PEG3: variants seen among roughly 807,000 people sequenced by gnomAD.
PEG3 encodes the protein paternally expressed 3.
In PEG3, 23 loss-of-function variants were observed where a neutral mutation model predicts 35.5. That is an observed-to-expected ratio of 0.65 (90% confidence interval 0.47 to 0.92). The LOEUF (loss-of-function observed/expected upper bound fraction) is 0.92, where lower values mean the gene tolerates loss of function less well. Among genes scored for constraint, PEG3 ranks in the 40% least tolerant of loss-of-function variants. The pLI, the probability that PEG3 is intolerant of heterozygous loss-of-function variation, is 0.00. For synonymous variants in PEG3, 707 were observed against 697.0 expected (o/e 1.01, Z -0.23); for missense variants, 1,960 against 1,985.3 (o/e 0.99, Z 0.24).
chr19:56,835,772 A>C (rs1422200930), intron 2 of PEG3, among the ~76,000 whole-genome samples: 1 of 152,234 alleles, frequency 6.6e-6, no homozygotes, highest in African/African-American at 2.4e-5. Context: ...AGAGAAAAAG[A>C]GTAGCCCTGA....
intron 2 of PEG3, among the ~76,000 whole-genome samples, chr19:56,828,238 C>T (rs973501501): frequency 6.6e-6 from 1 of 152,132 alleles, no homozygotes; most frequent in Admixed American, 6.5e-5. Flanking sequence ...TGGCCATTAG[C>T]AGGTACATGA....
chr19:56,829,814 G>A (rs958534516), intron 2 of PEG3, among the ~76,000 whole-genome samples: 13 of 152,236 alleles, frequency 8.5e-5, no homozygotes, highest in African/African-American at 3.1e-4. Context: ...CAGATCCCAC[G>A]TGACCTTCTG....
intron 2 of PEG3, among the ~76,000 whole-genome samples, chr19:56,834,146 A>T (rs1413440840): frequency 6.6e-6 from 1 of 152,198 alleles, no homozygotes; most frequent in Admixed American, 6.5e-5. Flanking sequence ...AATAACAATA[A>T]TTGGCTCATC....
Position 56,813,864 on chromosome 19 carries a change from AG to A in PEG3, c.4577del (p.Thr1526IlefsTer5). 1 of 1,614,150 alleles carries A rather than the reference AG, an allele frequency of 6.2e-7. No individual in the cohort carries two copies. Among genetic ancestry groups the A allele is most frequent in the Non-Finnish European group, 8.5e-7 (1 of 1,180,024 alleles). ...GCTCAAATATGATCATGCTGGCATG[AG>A]TTTTCAGGTGTTCACTGAATGCTGT... ...SSTAFSEHLK[T>X]HASMIIFEPA... On this transcript the variant is annotated frameshift_variant, in exon 10 of 10. Transcript: ENST00000326441. LOFTEE classifies it low-confidence loss of function (END_TRUNC).
chr19:56,824,472 T>G lies in PEG3; in HGVS notation c.184A>C (p.Lys62Gln), dbSNP rs1453605384. ...AGGTTTCGGAGTTTGATCAGGGTCT[T>G]CCGAGGCCCAACAAATTCCACATAG... ...LIYVEFVGPR[K>Q]TLIKLRNLCL... is the part of the protein sequence containing the mutation. Residue 62 changes from lysine (K) to glutamine (Q), a missense_variant, in exon 4 of 10, where the codon AAG (lysine) becomes CAG (glutamine). Lys to Gln is a moderately conservative substitution (Grantham distance 53). Transcript: ENST00000326441. 6.2e-7 allele frequency: 1 copy of G among 1,613,936 alleles called. No individual in the cohort carries two copies. Among genetic ancestry groups the G allele is most frequent in the African/African-American group, 1.3e-5 (1 of 74,882 alleles).
Position 56,837,047 on chromosome 19 carries a change from T to C in PEG3, c.-249-943A>G, listed in dbSNP as rs371763956. On this transcript the variant is annotated intron_variant, in intron 1 of 9. Coordinates refer to ENST00000326441, the MANE Select transcript of PEG3 (RefSeq NM_006210.3). ...GAAGCGTCATATGTGTCACTTTCCC[T>C]ACCTCAAACAAAACAAAAGGGCTGA... Among the ~76,000 whole-genome samples the C allele has an allele frequency of 6.7e-5, 10 of 149,028 alleles. No individual in the cohort carries two copies. The East Asian group carries it at 8.3e-4, about 12-fold the overall frequency.
At chr19:56,821,795 C>A (rs1388086685) in intron 6 of PEG3, 41 bp from the exon 7 acceptor site, 2 of 1,607,610 alleles carry the variant, frequency 1.2e-6, no homozygotes, top group Admixed American at 3.3e-5. Flanking sequence ...AGGGCCCAGT[C>A]CATCCTGCAG....
chr19:56,818,720 G>C lies in PEG3; in HGVS notation c.670-18C>G. On this transcript the variant is annotated intron_variant, in intron 7 of 9. Transcript: ENST00000326441. ...TCAGCATCCTAAAACAGCAAACACA[G>C]ACCTCTCAATGGAGTCTGTCCCCAC... 1 of 1,613,486 alleles carries C rather than the reference G, an allele frequency of 6.2e-7. No individual in the cohort carries two copies. The highest frequency in any genetic ancestry group is 8.5e-7 in the Non-Finnish European group (1 of 1,179,478).
chr19:56,833,243 C>G (rs986956541), intron 2 of PEG3: 13 of 488,844 alleles, frequency 2.7e-5, no homozygotes, highest in Admixed American at 1.7e-4. Context: ...ACTTTGGTCC[C>G]TCACCATGGT....
At chr19:56,821,463 A>C (rs1404561782) in intron 7 of PEG3, among the ~76,000 whole-genome samples, 188 bp downstream of exon 7, 1 of 152,158 alleles carries the variant, frequency 6.6e-6, no homozygotes, top group Non-Finnish European at 1.5e-5. Context: ...TGAACGACAA[A>C]GAAACAGCCA....
chr19:56,817,595 A>T lies in PEG3; in HGVS notation c.863-16T>A. The T allele has an allele frequency of 2.5e-6, 4 of 1,570,958 alleles. No homozygotes were observed. Among genetic ancestry groups the T allele is most frequent in the Non-Finnish European group, 3.5e-6 (4 of 1,155,322 alleles). ...GTTTTTAGACCTGGAAAGAAACCCCAAATGTAAATACTCCCTAGTCCCCAT... is the reference window on the plus strand; with the variant it reads ...GTTTTTAGACCTGGAAAGAAACCCCTAATGTAAATACTCCCTAGTCCCCAT... On this transcript the variant is annotated splice_polypyrimidine_tract_variant and intron_variant, in intron 9 of 9. Coordinates refer to ENST00000326441, the MANE Select transcript of PEG3 (RefSeq NM_006210.3).
intron 7 of PEG3, among the ~76,000 whole-genome samples, chr19:56,820,533 G>A (rs1464912846): frequency 6.6e-6 from 1 of 152,188 alleles, no homozygotes; most frequent in African/African-American, 2.4e-5. Flanking sequence ...CCTGGCCCTT[G>A]GTTTGGTTCC....
chr19:56,813,179 A>T lies in PEG3; in HGVS notation c.*496T>A. 1 of 978,288 alleles carries T rather than the reference A, an allele frequency of 1.0e-6. No homozygotes were observed. The highest frequency in any genetic ancestry group is 5.3e-4 in the Middle Eastern group (1 of 1,902). The allele number at this position is 978,288 out of a possible 1,614,324, so 60.6% of individuals were successfully genotyped here. ...CTAAGACACTTAAAAATATAATCAAATTTGTTGCTCTCTTCCTCCTCCAAA... is the reference window on the plus strand; with the variant it reads ...CTAAGACACTTAAAAATATAATCAATTTTGTTGCTCTCTTCCTCCTCCAAA... On this transcript the variant is annotated 3_prime_UTR_variant, in exon 10 of 10. Coordinates refer to ENST00000326441, the MANE Select transcript of PEG3 (RefSeq NM_006210.3).
intron 1 of PEG3, among the ~76,000 whole-genome samples, chr19:56,838,772 C>T (rs2062535647): frequency 6.6e-6 from 1 of 152,230 alleles, no homozygotes; most frequent in South Asian, 2.1e-4. Context: ...TGGCGACCAG[C>T]ACACACAGCC....
At chr19:56,832,048 A>G (rs1354165886) in intron 2 of PEG3, among the ~76,000 whole-genome samples, 1 of 152,240 alleles carries the variant, frequency 6.6e-6, no homozygotes, top group Non-Finnish European at 1.5e-5. Context: ...AACTCACATA[A>G]ACTTGTATTA....
At chr19:56,838,599 G>A (rs1013695780) in intron 1 of PEG3, among the ~76,000 whole-genome samples, 1 of 152,192 alleles carries the variant, frequency 6.6e-6, no homozygotes, top group Non-Finnish European at 1.5e-5. Context: ...GGGAAGGGGT[G>A]AGCCTCTGCC....
intron 2 of PEG3, among the ~76,000 whole-genome samples, chr19:56,834,008 T>A (rs2061829365): frequency 1.3e-5 from 2 of 152,164 alleles, no homozygotes; most frequent in Admixed American, 1.3e-4. Context: ...CCCAAAAGTT[T>A]AGAAAGAGAG....
At chr19:56,823,864 G>C (rs1382338747) in intron 4 of PEG3, among the ~76,000 whole-genome samples, 185 bp from the exon 5 acceptor site, 1 of 152,088 alleles carries the variant, frequency 6.6e-6, no homozygotes, top group Non-Finnish European at 1.5e-5. Context: ...AAACTGGGTG[G>C]GGGGAGCATG....
Position 56,811,313 on chromosome 19 carries a change from A to G in PEG3, c.*2362T>C, listed in dbSNP as rs1454904278. On this transcript the variant is annotated 3_prime_UTR_variant, in exon 10 of 10. Coordinates refer to ENST00000326441, the MANE Select transcript of PEG3 (RefSeq NM_006210.3). ...ATATATTTTTAAACAGTTATAATGA[A>G]CTGTTTAAATGAACTGTTAAATGAA... is the stretch of plus-strand genomic sequence containing the variant. 3 of 909,382 alleles carry G rather than the reference A, an allele frequency of 3.3e-6. No homozygotes were observed. The highest frequency in any genetic ancestry group is 3.9e-6 in the Non-Finnish European group (3 of 760,918). The allele number at this position is 909,382 out of a possible 1,614,324, so 56.3% of individuals were successfully genotyped here.
Sources: allele counts gnomAD v4.1 joint callset (sites outside exome capture counted in the v4.1 genomes callset), GRCh38; gene constraint gnomAD v4.1.1; transcripts MANE v1.5; gene names NCBI Gene and HGNC (gene_info 2026-07-23, HGNC 2026-07-21).